Variants in TP53RK observed in about 807,000 individuals in gnomAD.
TP53RK encodes the protein EKC/KEOPS complex subunit TP53RK.
A neutral mutation model predicts 14.9 loss-of-function variants in TP53RK; 17 were observed. That is an observed-to-expected ratio of 1.14 (90% confidence interval 0.78 to 1.71). TP53RK has a LOEUF of 1.71. TP53RK is among the 40% of genes most tolerant of loss of function. The probability of loss-of-function intolerance (pLI) is 0.00; values close to 1 mark genes in which losing one functional copy is unlikely to be tolerated. For synonymous variants in TP53RK, 131 were observed against 138.0 expected (o/e 0.95, Z 0.36); for missense variants, 343 against 332.0 (o/e 1.03, Z -0.26).
rs761941095 is a variant in TP53RK at position 46,687,001 on chromosome 20, G to A, written c.514C>T (p.Pro172Ser). 3 of 1,614,202 alleles carry A rather than the reference G, an allele frequency of 1.9e-6. No homozygotes were observed. The highest frequency in any genetic ancestry group is 2.2e-5 in the South Asian group (2 of 91,080). The change falls in exon 2 of 2, where the codon CCC becomes TCC. Residue 172 changes from proline to serine, a missense_variant. Coordinates refer to ENST00000372114, the MANE Select transcript of TP53RK (RefSeq NM_033550.4). Reference sequence around the variant, plus strand: ...ACAATGTTCAGCTGTTCCAGGGGGGGTTTCAGGAGCATGTTGGAGGTGGTG... The same window carrying A: ...ACAATGTTCAGCTGTTCCAGGGGGGATTTCAGGAGCATGTTGGAGGTGGTG... ...DLTTSNMLLK[P>S]PLEQLNIVLI...
chr20:46,687,148 G>C lies in TP53RK; in HGVS notation c.367C>G (p.Arg123Gly). Residue 123 changes from arginine (R) to glycine (G), a missense_variant, in exon 2 of 2, where the codon CGA (arginine) becomes GGA (glycine). Arg to Gly is a moderately radical substitution (Grantham distance 125, BLOSUM62 -2). Coordinates refer to ENST00000372114, the MANE Select transcript of TP53RK (RefSeq NM_033550.4). ...TCCATAGTGGACTGAATATAATCTCGAACAGTCACTGAGCCTTCAATTTCT... is the reference window on the plus strand; with the variant it reads ...TCCATAGTGGACTGAATATAATCTCCAACAGTCACTGAGCCTTCAATTTCT... ...MEEIEGSVTV[R>G]DYIQSTMETE... 3.1e-6 allele frequency: 5 copies of C among 1,614,062 alleles called. No individual in the cohort carries two copies. The highest frequency in any genetic ancestry group is 1.1e-5 in the South Asian group (1 of 91,056).
At position 46,685,455 on chromosome 20, in the gene TP53RK, G is replaced by C. The variant is rs2063176395; in HGVS notation, c.*1298C>G. The C allele has an allele frequency of 6.6e-6, 1 of 152,220 alleles. No homozygotes were observed. Among genetic ancestry groups the C allele is most frequent in the Non-Finnish European group, 1.5e-5 (1 of 68,038 alleles). The allele number at this position is 152,220 out of a possible 1,614,324, so 9.4% of individuals were successfully genotyped here. The stretch of plus-strand genomic sequence containing the variant: ...CAAAAACACAAAATACCAAAACTGA[G>C]AGTGTGTGATGACAACAGTGTGCAG... On this transcript the variant is annotated 3_prime_UTR_variant, in exon 2 of 2. Transcript: ENST00000372114.
At chr20:46,688,806 T>C (rs1210980271) in intron 1 of TP53RK, among the ~76,000 whole-genome samples, 1 of 152,100 alleles carries the variant, frequency 6.6e-6, no homozygotes, top group African/African-American at 2.4e-5. Context: ...AAGATAATGA[T>C]CGAAAATTGA....
At chr20:46,688,556 C>G (rs1056132143) in intron 1 of TP53RK, among the ~76,000 whole-genome samples, 1 of 152,232 alleles carries the variant, frequency 6.6e-6, no homozygotes, top group East Asian at 1.9e-4. Flanking sequence ...GCACTATGTG[C>G]CAGGCACACA....
rs1450693564 is a variant in TP53RK at position 46,685,461 on chromosome 20, G to A, written c.*1292C>T. 1.3e-5 allele frequency: 2 copies of A among 152,246 alleles called. No individual in the cohort carries two copies. The highest frequency in any genetic ancestry group is 4.8e-5 in the African/African-American group (2 of 41,474). 9.4% of individuals were successfully genotyped at this position (152,246 alleles called of 1,614,324 possible). A position where few individuals can be genotyped will look rare whatever the true frequency, so the allele number is the denominator to read the frequency against. On this transcript the variant is annotated 3_prime_UTR_variant, in exon 2 of 2. Coordinates refer to ENST00000372114, the MANE Select transcript of TP53RK (RefSeq NM_033550.4). The stretch of plus-strand genomic sequence containing the variant: ...CACAAAATACCAAAACTGAGAGTGT[G>A]TGATGACAACAGTGTGCAGAGGGAA...
Position 46,686,827 on chromosome 20 carries a change from TGGA to T in TP53RK, c.685_687del (p.Ser229del). The stretch of plus-strand genomic sequence containing the variant: ...TTTTTTAGCACTGGCCTGGCCTTTT[TGGA>T]GGAGGTGGAGTAGCTCTTCAGAAAG... On this transcript the variant is annotated inframe_deletion, in exon 2 of 2. Transcript: ENST00000372114. The T allele has an allele frequency of 6.2e-7, 1 of 1,614,194 alleles. No individual in the cohort carries two copies. The highest frequency in any genetic ancestry group is 8.5e-7 in the Non-Finnish European group (1 of 1,180,038).
chr20:46,689,088 C>G (rs1411770677), intron 1 of TP53RK, 44 bp downstream of exon 1: 23 of 1,355,886 alleles, frequency 1.7e-5, no homozygotes, highest in Non-Finnish European at 2.2e-5. Flanking sequence ...GCCCAGGCCC[C>G]AGAGCCTCGG....
rs927106032 is a variant in TP53RK, at chr20:46,684,521, C to G, written c.*2232G>C. The G allele has an allele frequency of 1.3e-5, 2 of 152,302 alleles. No individual in the cohort carries two copies. The highest frequency in any genetic ancestry group is 2.1e-4 in the South Asian group (1 of 4,822). The allele number at this position is 152,302 out of a possible 1,614,324, so 9.4% of individuals were successfully genotyped here. ...AGGGAAAAGCCCCTTATAAAACCAT[C>G]AGATCTCGTGAGAACTCACTCGCTA... On this transcript the variant is annotated 3_prime_UTR_variant, in exon 2 of 2. Transcript: ENST00000372114.
intron 1 of TP53RK, 95 bp downstream of exon 1, chr20:46,689,035 CTG>C: frequency 8.0e-7 from 1 of 1,253,520 alleles, no homozygotes; most frequent in Non-Finnish European, 1.0e-6. Context: ...GAAGGAGAAA[CTG>C]AGGGAAATCC....
At position 46,687,030 on chromosome 20, in the gene TP53RK, T is replaced by A; in HGVS notation, c.485A>T (p.Asp162Val). 6.2e-7 allele frequency: 1 copy of A among 1,614,134 alleles called. No individual in the cohort carries two copies. Among genetic ancestry groups the A allele is most frequent in the Non-Finnish European group, 8.5e-7 (1 of 1,180,026 alleles). The change falls in exon 2 of 2, where the codon GAT becomes GTT. Residue 162 changes from aspartate (D) to valine (V), a missense_variant. By Grantham distance (152) the Asp-to-Val change is radical (BLOSUM62 -3). Transcript: ENST00000372114. The stretch of plus-strand genomic sequence containing the variant: ...CAGGAGCATGTTGGAGGTGGTGAGA[T>A]CACCATGAATGAGGTCTTCATCGTG... The part of the protein sequence containing the change: ...RMHDEDLIHG[D>V]LTTSNMLLKP...
In TP53RK at chr20:46,686,742, T is replaced by C. The variant is rs1224152451; in HGVS notation, c.*11A>G. 4 of 1,594,626 alleles carry C rather than the reference T, an allele frequency of 2.5e-6. No homozygotes were observed. The highest frequency in any genetic ancestry group is 3.4e-6 in the Non-Finnish European group (4 of 1,163,212). Reference sequence around the variant, plus strand: ...AGAGCTTCACTGTGTGTGGTTGTCATACACATTCTTCTACCCAACCATGGA... The same window carrying C: ...AGAGCTTCACTGTGTGTGGTTGTCACACACATTCTTCTACCCAACCATGGA... On this transcript the variant is annotated 3_prime_UTR_variant, in exon 2 of 2. Transcript: ENST00000372114.
intron 1 of TP53RK, 76 bp from the exon 2 acceptor site, chr20:46,687,307 G>A: frequency 8.0e-7 from 1 of 1,254,584 alleles, no homozygotes; most frequent in Non-Finnish European, 1.1e-6. Context: ...GATTAAGCCA[G>A]TTTTTCCATC....
Position 46,686,409 on chromosome 20 carries a change from C to T in TP53RK, c.*344G>A, listed in dbSNP as rs2063180826. The T allele has an allele frequency of 4.5e-6, 1 of 224,516 alleles. No individual in the cohort carries two copies. Among genetic ancestry groups the T allele is most frequent in the Non-Finnish European group, 8.8e-6 (1 of 113,208 alleles). 13.9% of individuals were successfully genotyped at this position (224,516 alleles called of 1,614,324 possible). On this transcript the variant is annotated 3_prime_UTR_variant, in exon 2 of 2. Transcript: ENST00000372114. ...CACTGGGTTAGAGGGCCAGTAAGCT[C>T]AGCGAGTATCAGCAACTGAGACTTC... is the stretch of plus-strand genomic sequence containing the variant.
intron 1 of TP53RK, 78 bp downstream of exon 1, chr20:46,689,054 G>A (rs2063194449): frequency 7.7e-7 from 1 of 1,300,868 alleles, no homozygotes; most frequent in Non-Finnish European, 9.8e-7. Flanking sequence ...ATCCAGCTTC[G>A]GAGCGCAGGG....
chr20:46,687,046 C>CT lies in TP53RK; in HGVS notation c.468dup (p.Asp157ArgfsTer6). On this transcript the variant is annotated frameshift_variant, in exon 2 of 2. Transcript: ENST00000372114. LOFTEE classifies it high-confidence loss of function. ...GTGGTGAGATCACCATGAATGAGGT[C>CT]TTCATCGTGCATTCGAGCCAAAACC... 1 of 1,614,126 alleles carries CT rather than the reference C, an allele frequency of 6.2e-7. No individual in the cohort carries two copies. Among genetic ancestry groups the CT allele is most frequent in the Non-Finnish European group, 8.5e-7 (1 of 1,180,018 alleles).
At chr20:46,687,732 G>T (rs540454291) in intron 1 of TP53RK, among the ~76,000 whole-genome samples, 1 of 152,220 alleles carries the variant, frequency 6.6e-6, no homozygotes, top group African/African-American at 2.4e-5. Flanking sequence ...GGGAGCGTAA[G>T]TTGCAGTGAG....
intron 1 of TP53RK, 34 bp from the exon 2 acceptor site, chr20:46,687,265 AT>A (rs150972103): frequency 1.1e-5 from 16 of 1,517,490 alleles, no homozygotes; most frequent in South Asian, 9.0e-5. Flanking sequence ...ATTGGGTTGG[AT>A]TTTTTTTAAC....
At position 46,687,166 on chromosome 20, in the gene TP53RK, C is replaced by A. The variant is rs1438982629; in HGVS notation, c.349G>T (p.Glu117Ter). The change falls in exon 2 of 2, where the codon GAA becomes TAA. Residue 117 changes from glutamate to a stop codon, truncating the protein, a stop_gained. Coordinates refer to ENST00000372114, the MANE Select transcript of TP53RK (RefSeq NM_033550.4). LOFTEE classifies it high-confidence loss of function. ...ASNCLYMEEI[E>*]GSVTVRDYIQ... ...TAATCTCGAACAGTCACTGAGCCTT[C>A]AATTTCTTCCATATATAAGCAGTTG... The A allele has an allele frequency of 6.2e-7, 1 of 1,613,616 alleles. No homozygotes were observed. Among genetic ancestry groups the A allele is most frequent in the Non-Finnish European group, 8.5e-7 (1 of 1,179,760 alleles).
chr20:46,687,659 G>C (rs2063186821), intron 1 of TP53RK, among the ~76,000 whole-genome samples: 1 of 152,024 alleles, frequency 6.6e-6, no homozygotes, highest in African/African-American at 2.4e-5. Context: ...AGCCAGGTGT[G>C]GTGGCTCACG....
Sources: allele counts gnomAD v4.1 joint callset (sites outside exome capture counted in the v4.1 genomes callset), GRCh38; gene constraint gnomAD v4.1.1; transcripts MANE v1.5; gene names NCBI Gene and HGNC (gene_info 2026-07-23, HGNC 2026-07-21).